The following SCMH1 variants were observed in gnomAD, a reference collection of about 807,000 sequenced individuals.
SCMH1 encodes Scm polycomb group protein homolog 1, also known as polycomb protein SCMH1.
SCMH1 carries 37 observed loss-of-function variants against 70.8 expected under a neutral mutation model. The observed-to-expected ratio is 0.52, with a 90% CI of 0.40 to 0.69. The LOEUF (loss-of-function observed/expected upper bound fraction) is 0.69, where lower values mean the gene tolerates loss of function less well. Among genes scored for constraint, SCMH1 ranks in the 30% least tolerant of loss-of-function variants. The pLI is 0.00. For missense variants in SCMH1, 607 were observed against 827.3 expected, an observed-to-expected ratio of 0.73 and a Z score of 3.27; for synonymous variants, 292 against 307.4, an observed-to-expected ratio of 0.95 and a Z score of 0.52.
chr1:41,100,878 T>C lies in SCMH1; in HGVS notation c.745+12405A>G, dbSNP rs144557153. 6.2e-3 allele frequency among the ~76,000 whole-genome samples: 950 copies of C among 152,266 alleles called. 16 individuals are homozygous for C. Among genetic ancestry groups the C allele is most frequent in the African/African-American group, 0.022 (909 of 41,562 alleles). On this transcript the variant is annotated intron_variant, in intron 8 of 14. Transcript: ENST00000337495. ...TGCACCCAGCCAGTATAGTCCTTTT[T>C]AAAGGGAAATCAGAATGCCTCTCCA...
intron 2 of SCMH1, among the ~76,000 whole-genome samples, chr1:41,179,544 C>T (rs1206592972): frequency 6.6e-6 from 1 of 152,178 alleles, no homozygotes; most frequent in Non-Finnish European, 1.5e-5. Flanking sequence ...CACCACCAAT[C>T]CTGCAGAAAC....
intron 2 of SCMH1, among the ~76,000 whole-genome samples, chr1:41,178,955 C>G (rs934825425): frequency 6.6e-6 from 1 of 152,232 alleles, no homozygotes; most frequent in Non-Finnish European, 1.5e-5. Context: ...CCACACCACA[C>G]TTATTCCAAA....
At chr1:41,055,064 C>T (rs1011541123) in intron 10 of SCMH1, among the ~76,000 whole-genome samples, 1 of 151,822 alleles carries the variant, frequency 6.6e-6, no homozygotes, top group East Asian at 2.0e-4. Context: ...ATTATGGGGG[C>T]GAGCCACTGC....
intron 12 of SCMH1, chr1:41,043,013 A>G (rs1436331835): frequency 6.6e-6 from 1 of 152,234 alleles, no homozygotes; most frequent in Non-Finnish European, 1.5e-5. Flanking sequence ...ATTAGGAAAC[A>G]ACAGCTATAA....
intron 2 of SCMH1, among the ~76,000 whole-genome samples, chr1:41,162,178 C>A (rs1572740903): frequency 6.6e-6 from 1 of 152,178 alleles, no homozygotes; most frequent in Admixed American, 6.5e-5. Context: ...CCCCTGCACT[C>A]TTGGGGGTCC....
chr1:41,208,025 C>T (rs1401755737), intron 1 of SCMH1, among the ~76,000 whole-genome samples: 1 of 116,586 alleles, frequency 8.6e-6, no homozygotes, highest in East Asian at 2.3e-4. Flanking sequence ...TGGAACCAAC[C>T]CAAATGTCCA....
intron 10 of SCMH1, among the ~76,000 whole-genome samples, chr1:41,058,639 C>T (rs1043597678): frequency 2.0e-5 from 3 of 152,072 alleles, no homozygotes; most frequent in African/African-American, 7.2e-5. Flanking sequence ...CTCAGCCTTC[C>T]AAAGTGCTGG....
chr1:41,063,914 C>T (rs1258042422), intron 10 of SCMH1, among the ~76,000 whole-genome samples: 1 of 152,160 alleles, frequency 6.6e-6, no homozygotes, highest in African/African-American at 2.4e-5. Context: ...TATACCAATT[C>T]TTCAAAATCT....
chr1:41,122,482 T>C (rs1334397179), intron 6 of SCMH1, among the ~76,000 whole-genome samples: 1 of 152,226 alleles, frequency 6.6e-6, no homozygotes, highest in Non-Finnish European at 1.5e-5. Context: ...GTTTAATGTG[T>C]ATGTCTTCTC....
intron 6 of SCMH1, among the ~76,000 whole-genome samples, chr1:41,135,440 CT>C (rs1032072981): frequency 3.4e-4 from 52 of 152,280 alleles, no homozygotes; most frequent in African/African-American, 1.2e-3. Flanking sequence ...CTCACAAGAT[CT>C]GATGGTTTTA....
chr1:41,028,162 G>GC, exon 15 of SCMH1: 1 of 1,613,414 alleles, frequency 6.2e-7, no homozygotes, highest in Non-Finnish European at 8.5e-7. Flanking sequence ...CCCACCTGCT[G>GC]CCACTTGGTT....
chr1:41,186,329 T>C, intron 1 of SCMH1, 79 bp from the exon 2 acceptor site: 1 of 414,828 alleles, frequency 2.4e-6, no homozygotes, highest in South Asian at 4.4e-5. Context: ...TTATTAACAA[T>C]TAGGCTACAT....
intron 2 of SCMH1, among the ~76,000 whole-genome samples, chr1:41,161,920 G>A (rs181608209): frequency 6.6e-6 from 1 of 152,336 alleles, no homozygotes; most frequent in East Asian, 1.9e-4. Context: ...ATTTGTGATG[G>A]CAGCGGTGGG....
chr1:41,146,807 C>T (rs1644622422), intron 5 of SCMH1, among the ~76,000 whole-genome samples: 1 of 152,128 alleles, frequency 6.6e-6, no homozygotes, highest in South Asian at 2.1e-4. Flanking sequence ...CAAAACTATT[C>T]TCTCATAGTC....
At chr1:41,197,447 A>G (rs1653294665) in intron 1 of SCMH1, among the ~76,000 whole-genome samples, 1 of 152,230 alleles carries the variant, frequency 6.6e-6, no homozygotes, top group Admixed American at 6.5e-5. Flanking sequence ...ACACAAAAGG[A>G]CAACTACTGT....
At chr1:41,067,920 CT>C (rs1436201450) in intron 10 of SCMH1, among the ~76,000 whole-genome samples, 4 of 152,086 alleles carry the variant, frequency 2.6e-5, no homozygotes, top group African/African-American at 9.7e-5. Flanking sequence ...TATAGGAAAT[CT>C]CTGTATCTAC....
At chr1:41,101,214 A>C (rs1367892621) in intron 8 of SCMH1, among the ~76,000 whole-genome samples, 1 of 152,246 alleles carries the variant, frequency 6.6e-6, no homozygotes. Flanking sequence ...AGTAAAAAAC[A>C]GTATTTTTAG....
intron 10 of SCMH1, among the ~76,000 whole-genome samples, chr1:41,054,407 C>A (rs536879709): frequency 3.9e-5 from 6 of 152,286 alleles, no homozygotes; most frequent in African/African-American, 1.4e-4. Flanking sequence ...ACACACCCCT[C>A]CACATACCCC....
intron 2 of SCMH1, among the ~76,000 whole-genome samples, chr1:41,167,041 T>G (rs1314884058): frequency 6.6e-6 from 1 of 152,140 alleles, no homozygotes; most frequent in Non-Finnish European, 1.5e-5. Flanking sequence ...TATTGAGAGT[T>G]TTCATCATGA....
Sources: gnomAD v4.1 joint callset for allele counts (sites outside exome capture counted in the v4.1 genomes callset) on GRCh38, gnomAD v4.1.1 for gene constraint, MANE v1.5 for transcripts, NCBI Gene and HGNC (gene_info 2026-07-23, HGNC 2026-07-21) for gene names.